The following FAM117B variants were observed in gnomAD, a reference collection of about 807,000 sequenced individuals.
FAM117B encodes the protein protein FAM117B.
Under a neutral mutation model 52.8 loss-of-function variants are expected in FAM117B, and 22 were observed. That is an observed-to-expected ratio of 0.42 (90% CI 0.30 to 0.59). The LOEUF (loss-of-function observed/expected upper bound fraction) is 0.59. Ranked by LOEUF, FAM117B falls within the 20% of genes least tolerant of loss-of-function variation. The pLI is 0.22. For missense variants in FAM117B, 678 were observed against 802.6 expected, an observed-to-expected ratio of 0.84 and a Z score of 1.88; for synonymous variants, 309 against 324.1, an observed-to-expected ratio of 0.95 and a Z score of 0.50.
rs545861283 is a variant in FAM117B at position 202,704,734 on chromosome 2, G to A, written c.753+8702G>A. ...AGCCTCCTGAGTAGTTGGGATTATAGGTGCCCACCACCATGCCCGGCTAAT... is the reference window on the plus strand; with the variant it reads ...AGCCTCCTGAGTAGTTGGGATTATAAGTGCCCACCACCATGCCCGGCTAAT... On this transcript the variant is annotated intron_variant, in intron 2 of 7. Transcript: ENST00000392238. Among the ~76,000 whole-genome samples the A allele has an allele frequency of 2.0e-5, 3 of 151,964 alleles. No individual in the cohort carries two copies. The East Asian group carries it at 5.8e-4, about 30-fold the overall frequency.
At chr2:202,639,847 G>T (rs1689739149) in intron 1 of FAM117B, among the ~76,000 whole-genome samples, 1 of 152,054 alleles carries the variant, frequency 6.6e-6, no homozygotes, top group African/African-American at 2.4e-5. Context: ...ACCAGTGTAG[G>T]TTCAGTTTTC....
Position 202,682,166 on chromosome 2 carries a change from C to T in FAM117B, c.602-13715C>T, listed in dbSNP as rs570286448. On this transcript the variant is annotated intron_variant, in intron 1 of 7. Coordinates refer to ENST00000392238, the MANE Select transcript of FAM117B (RefSeq NM_173511.4). ...CACTTTCATCGGCAATAAAATCTCC[C>T]GCATTTATCATTTCCTGTTTGTTCG... Among the ~76,000 whole-genome samples, 80 of 152,300 alleles carry T rather than the reference C, an allele frequency of 5.3e-4. 2 individuals are homozygous for T. In the South Asian group the frequency reaches 0.016, roughly 30 times the overall value.
chr2:202,681,771 G>T (rs891209668), intron 1 of FAM117B, among the ~76,000 whole-genome samples: 3 of 152,212 alleles, frequency 2.0e-5, no homozygotes, highest in African/African-American at 7.2e-5. Flanking sequence ...GGGACAGGAG[G>T]CAGGGAAATT....
intron 1 of FAM117B, among the ~76,000 whole-genome samples, chr2:202,673,419 ATTTTTC>A (rs1690327436): frequency 2.3e-5 from 1 of 42,894 alleles, no homozygotes; most frequent in Non-Finnish European, 4.5e-5. Context: ...AGCCTACCCT[ATTTTTC>A]TTTTTCTGTT....
At chr2:202,651,839 A>G (rs560315274) in intron 1 of FAM117B, among the ~76,000 whole-genome samples, 1 of 152,148 alleles carries the variant, frequency 6.6e-6, no homozygotes, top group Admixed American at 6.5e-5. Context: ...GGATCACCTG[A>G]AGTCAGGAGT....
At chr2:202,681,447 T>C (rs1690461077) in intron 1 of FAM117B, among the ~76,000 whole-genome samples, 1 of 152,126 alleles carries the variant, frequency 6.6e-6, no homozygotes, top group Admixed American at 6.5e-5. Flanking sequence ...AGTATAAAGA[T>C]GGAATAAGAT....
At chr2:202,720,552 A>G (rs958040989) in intron 2 of FAM117B, among the ~76,000 whole-genome samples, 4 of 152,034 alleles carry the variant, frequency 2.6e-5, no homozygotes, top group Middle Eastern at 6.8e-3. Context: ...AAAATTAACA[A>G]TTCCATAATA....
At chr2:202,692,204 CTAGAAT>C (rs1424255764) in intron 1 of FAM117B, among the ~76,000 whole-genome samples, 1 of 152,084 alleles carries the variant, frequency 6.6e-6, no homozygotes, top group East Asian at 1.9e-4. Flanking sequence ...TCTTATAGAA[CTAGAAT>C]AACACTGTAA....
At chr2:202,743,199 C>A (rs936678835) in intron 4 of FAM117B, among the ~76,000 whole-genome samples, 10 of 152,152 alleles carry the variant, frequency 6.6e-5, no homozygotes, top group Non-Finnish European at 1.2e-4. Flanking sequence ...ACTAGCCTGG[C>A]TAGTATTCCT....
chr2:202,646,172 G>A (rs1392401333), intron 1 of FAM117B, among the ~76,000 whole-genome samples: 1 of 150,990 alleles, frequency 6.6e-6, no homozygotes, highest in Non-Finnish European at 1.5e-5. Flanking sequence ...GACTACAGGG[G>A]CACACCACTA....
At chr2:202,715,544 C>T (rs1381561259) in intron 2 of FAM117B, among the ~76,000 whole-genome samples, 3 of 151,844 alleles carry the variant, frequency 2.0e-5, no homozygotes, top group Admixed American at 6.6e-5. Flanking sequence ...CAGAGACGCT[C>T]CTCACTTCCT....
At position 202,635,177 on chromosome 2, in the gene FAM117B, G is replaced by A. The variant is rs1030984805; in HGVS notation, c.-11G>A. 9.5e-6 allele frequency: 12 copies of A among 1,268,104 alleles called. No individual in the cohort carries two copies. Among genetic ancestry groups the A allele is most frequent in the African/African-American group, 6.2e-5 (4 of 64,278 alleles). 78.6% of individuals were successfully genotyped at this position (1,268,104 alleles called of 1,614,324 possible). On this transcript the variant is annotated 5_prime_UTR_variant, in exon 1 of 8. Coordinates refer to ENST00000392238, the MANE Select transcript of FAM117B (RefSeq NM_173511.4). The stretch of plus-strand genomic sequence containing the variant: ...CCCCGTCTCGCCCAGTCACCGGGGA[G>A]GGGGGGGACCATGTCCCAGCGGGTG...
At chr2:202,741,658 T>A (rs1691542451) in intron 4 of FAM117B, among the ~76,000 whole-genome samples, 1 of 151,868 alleles carries the variant, frequency 6.6e-6, no homozygotes, top group East Asian at 2.0e-4. Flanking sequence ...TGCCTCAGCC[T>A]CCCAAGTAGC....
At chr2:202,688,532 C>CT (rs1203472202) in intron 1 of FAM117B, among the ~76,000 whole-genome samples, 1 of 151,950 alleles carries the variant, frequency 6.6e-6, no homozygotes, top group Non-Finnish European at 1.5e-5. Flanking sequence ...GATAGAACCT[C>CT]TTTGAATTTA....
At chr2:202,643,909 C>A (rs1035158757) in intron 1 of FAM117B, among the ~76,000 whole-genome samples, 1 of 152,180 alleles carries the variant, frequency 6.6e-6, no homozygotes, top group East Asian at 1.9e-4. Context: ...AGGGTTTCCC[C>A]GTGTTGGCCA....
At chr2:202,692,828 G>A (rs951582835) in intron 1 of FAM117B, among the ~76,000 whole-genome samples, 1 of 152,028 alleles carries the variant, frequency 6.6e-6, no homozygotes, top group African/African-American at 2.4e-5. Flanking sequence ...ACTTAATTCT[G>A]CCTTTTTTTT....
intron 1 of FAM117B, among the ~76,000 whole-genome samples, chr2:202,663,541 C>A (rs1392278894): frequency 2.0e-5 from 3 of 149,352 alleles, no homozygotes; most frequent in Non-Finnish European, 4.4e-5. Context: ...GGATTAAATT[C>A]ATTACATCAT....
intron 4 of FAM117B, among the ~76,000 whole-genome samples, chr2:202,727,194 C>T (rs1286713410): frequency 3.9e-5 from 6 of 152,076 alleles, no homozygotes; most frequent in Non-Finnish European, 7.4e-5. Flanking sequence ...TTGAATTTTC[C>T]ATGTTAACAG....
chr2:202,731,068 G>A (rs745511627), intron 4 of FAM117B, among the ~76,000 whole-genome samples: 109 of 151,852 alleles, frequency 7.2e-4, no homozygotes, highest in Non-Finnish European at 1.4e-3. Flanking sequence ...TATCTGATAA[G>A]GCATTTGTGT....
Sources: gnomAD v4.1 joint callset for allele counts (sites outside exome capture counted in the v4.1 genomes callset) on GRCh38, gnomAD v4.1.1 for gene constraint, MANE v1.5 for transcripts, NCBI Gene and HGNC (gene_info 2026-07-23, HGNC 2026-07-21) for gene names.